The following CRACR2A variants were observed in gnomAD, a reference collection of about 807,000 sequenced individuals.
The protein encoded by CRACR2A is EF-hand calcium-binding domain-containing protein 4B.
In CRACR2A, 79 loss-of-function variants were observed where a neutral mutation model predicts 90.5. The ratio of observed to expected loss-of-function variants is 0.87; its 90% CI spans 0.73 to 1.05. The LOEUF is 1.05. Among genes scored for constraint, CRACR2A ranks in the 50% least tolerant of loss-of-function variants. The pLI, the probability that CRACR2A is intolerant of heterozygous loss-of-function variation, is 0.00. For synonymous variants in CRACR2A, 338 were observed against 356.7 expected, an observed-to-expected ratio of 0.95 and a Z score of 0.59; for missense variants, 823 against 897.2, an observed-to-expected ratio of 0.92 and a Z score of 1.06.
intron 2 of CRACR2A, among the ~76,000 whole-genome samples, chr12:3,724,467 A>AGCT (rs1450714519): frequency 4.6e-5 from 7 of 152,236 alleles, no homozygotes; most frequent in African/African-American, 1.7e-4. Flanking sequence ...TCCCCAAGAT[A>AGCT]GCTGGCTGGT....
At chr12:3,739,496 C>T (rs569298219) in intron 1 of CRACR2A, among the ~76,000 whole-genome samples, 19 of 152,306 alleles carry the variant, frequency 1.2e-4, no homozygotes, top group African/African-American at 4.3e-4. Flanking sequence ...CTAACAACAA[C>T]GAATGACTCC....
Position 3,638,214 on chromosome 12 carries a change from C to T in CRACR2A, c.1512G>A (p.Gly504=), listed in dbSNP as rs1403653499. 1 of 1,551,518 alleles carries T rather than the reference C, an allele frequency of 6.4e-7. No individual in the cohort carries two copies. The highest frequency in any genetic ancestry group is 1.4e-5 in the African/African-American group (1 of 73,022). ...GGGCCTCCGGGATTTGTCCCTGTACCCCCTGGTCAGAGACCTCTTCCTCTT... is the reference window on the plus strand; with the variant it reads ...GGGCCTCCGGGATTTGTCCCTGTACTCCCTGGTCAGAGACCTCTTCCTCTT... ...CSEEEEVSDQ[G]VQGQIPEAPP... is the part of the protein sequence containing the mutation. The change falls in exon 14 of 20, where the codon GGG becomes GGA. Residue 504 remains glycine (G), a synonymous_variant. Coordinates refer to ENST00000440314, the MANE Select transcript of CRACR2A (RefSeq NM_001144958.2).
At position 3,633,567 on chromosome 12, in the gene CRACR2A, G is replaced by A. The variant is rs1357658556; in HGVS notation, c.1735+37C>T. On this transcript the variant is annotated intron_variant, in intron 15 of 19. Coordinates refer to ENST00000440314, the MANE Select transcript of CRACR2A (RefSeq NM_001144958.2). The surrounding 1 kb of genome is among the most constrained non-coding windows in gnomAD (Gnocchi z 4.5). ...CCTTCTCACAAACTCCCTTCCCAAAGATGGGCCTAGGACCCACCTCAGGGA... is the reference window on the plus strand; with the variant it reads ...CCTTCTCACAAACTCCCTTCCCAAAAATGGGCCTAGGACCCACCTCAGGGA... 6.5e-7 allele frequency: 1 copy of A among 1,549,994 alleles called. No individual in the cohort carries two copies. Among genetic ancestry groups the A allele is most frequent in the Admixed American group, 2.0e-5 (1 of 50,888 alleles).
chr12:3,722,782 A>G (rs748065720), intron 2 of CRACR2A, among the ~76,000 whole-genome samples: 3 of 152,158 alleles, frequency 2.0e-5, no homozygotes, highest in Non-Finnish European at 4.4e-5. Flanking sequence ...TCCTAGACCC[A>G]GACACTTTCA....
At chr12:3,659,195 T>C (rs1944976369) in intron 8 of CRACR2A, among the ~76,000 whole-genome samples, 1 of 152,230 alleles carries the variant, frequency 6.6e-6, no homozygotes, top group South Asian at 2.1e-4. Context: ...AGGGAAAGCA[T>C]GAGCCTCCAT....
At chr12:3,673,142 C>T (rs56095515) in intron 7 of CRACR2A, among the ~76,000 whole-genome samples, 30 of 152,206 alleles carry the variant, frequency 2.0e-4, no homozygotes, top group African/African-American at 7.0e-4. Flanking sequence ...CCTCCGCCTG[C>T]AAAATGTGCA....
chr12:3,640,501 T>G, intron 13 of CRACR2A: 1 of 1,203,020 alleles, frequency 8.3e-7, no homozygotes, highest in Non-Finnish European at 1.1e-6. Context: ...AGGTAATCAG[T>G]AAACGTCTGC....
In CRACR2A at chr12:3,638,095, G is replaced by T. The variant is rs193073745; in HGVS notation, c.1602+29C>A. The T allele has an allele frequency of 4.4e-4, 659 of 1,511,454 alleles. 2 individuals are homozygous for T. In the South Asian group the frequency reaches 4.4e-3, roughly 10 times the overall value. 93.6% of individuals were successfully genotyped at this position (1,511,454 alleles called of 1,614,324 possible). On this transcript the variant is annotated intron_variant, in intron 14 of 19. Coordinates refer to ENST00000440314, the MANE Select transcript of CRACR2A (RefSeq NM_001144958.2). Reference sequence around the variant, plus strand: ...AAGAGACAGATCATAGAAGTGATGTGCATGAACCAAGGTAGGCTGTGCCCT... The same window carrying T: ...AAGAGACAGATCATAGAAGTGATGTTCATGAACCAAGGTAGGCTGTGCCCT...
At chr12:3,684,354 G>C (rs1474349919) in intron 4 of CRACR2A, among the ~76,000 whole-genome samples, 1 of 152,124 alleles carries the variant, frequency 6.6e-6, no homozygotes, top group African/African-American at 2.4e-5. Context: ...GATGTGCTTG[G>C]CTTGGGCTGA....
At chr12:3,630,232 G>A (rs990863057) in intron 15 of CRACR2A, among the ~76,000 whole-genome samples, 3 of 152,164 alleles carry the variant, frequency 2.0e-5, no homozygotes, top group South Asian at 2.1e-4. Context: ...ATTGCTTCCC[G>A]AAGGATGGCT....
intron 7 of CRACR2A, among the ~76,000 whole-genome samples, chr12:3,661,259 C>T (rs1307111331): frequency 6.6e-6 from 1 of 152,174 alleles, no homozygotes; most frequent in Non-Finnish European, 1.5e-5. Context: ...TTACAGAAAC[C>T]ACAAATCTGA....
At chr12:3,642,308 C>T (rs1468045437) in intron 12 of CRACR2A, among the ~76,000 whole-genome samples, 1 of 152,142 alleles carries the variant, frequency 6.6e-6, no homozygotes, top group African/African-American at 2.4e-5. Context: ...CCTCAAACTC[C>T]TGCACTCAAG....
chr12:3,744,922 G>T (rs936859456), intron 1 of CRACR2A, among the ~76,000 whole-genome samples: 6 of 152,094 alleles, frequency 3.9e-5, no homozygotes, highest in African/African-American at 1.4e-4. Context: ...ACTTAAAATG[G>T]TTAAAATGAT....
At chr12:3,736,012 C>T (rs1286617631) in intron 1 of CRACR2A, among the ~76,000 whole-genome samples, 1 of 152,024 alleles carries the variant, frequency 6.6e-6, no homozygotes, top group African/African-American at 2.4e-5. Flanking sequence ...TGAAGAAGCC[C>T]ATCAGGAGGG....
intron 1 of CRACR2A, among the ~76,000 whole-genome samples, chr12:3,751,175 AATCTCCTCATG>A (rs1387570531): frequency 6.6e-6 from 1 of 152,194 alleles, no homozygotes; most frequent in Non-Finnish European, 1.5e-5. Flanking sequence ...CAATCATAGC[AATCTCCTCATG>A]AGGTTGTCAG....
chr12:3,654,267 G>T lies in CRACR2A; in HGVS notation c.991C>A (p.Gln331Lys), dbSNP rs1471463315. The change falls in exon 10 of 20, where the codon CAG becomes AAG. Residue 331 changes from glutamine (Q) to lysine (K), a missense_variant. Coordinates refer to ENST00000440314, the MANE Select transcript of CRACR2A (RefSeq NM_001144958.2). ...RTSWELQDAQ[Q>K]QLESLQQEAC... ...TCTTGCTGGAGGCTTTCCAACTGCT[G>T]CTGAGCATCCTGGAGCTCCCAGGAA... The T allele has an allele frequency of 2.8e-5, 45 of 1,613,854 alleles. No homozygotes were observed. Among genetic ancestry groups the T allele is most frequent in the Non-Finnish European group, 3.7e-5 (44 of 1,179,938 alleles).
intron 6 of CRACR2A, among the ~76,000 whole-genome samples, chr12:3,675,665 C>A (rs549351613): frequency 8.5e-5 from 13 of 152,184 alleles, no homozygotes; most frequent in Non-Finnish European, 1.6e-4. Flanking sequence ...CCCTGTCCCA[C>A]TTCCCCAAAT....
intron 11 of CRACR2A, chr12:3,648,138 T>C (rs1944724254): frequency 1.9e-6 from 2 of 1,034,486 alleles, no homozygotes; most frequent in Admixed American, 1.1e-4. Flanking sequence ...AATATCAACT[T>C]CCCATCAGTA....
intron 4 of CRACR2A, among the ~76,000 whole-genome samples, chr12:3,690,542 G>T (rs1471738194): frequency 6.6e-6 from 1 of 152,180 alleles, no homozygotes. Flanking sequence ...TATGATTTCA[G>T]TTCTTTTGTA....
Sources: allele counts gnomAD v4.1 joint callset (sites outside exome capture counted in the v4.1 genomes callset), GRCh38; gene constraint gnomAD v4.1.1; non-coding constraint Gnocchi (gnomAD v3.1); transcripts MANE v1.5; gene names NCBI Gene and HGNC (gene_info 2026-07-23, HGNC 2026-07-21).